Variants in GLIS3 observed in about 807,000 individuals in gnomAD.
GLIS3 encodes GLIS family zinc finger 3, also known as zinc finger protein GLIS3.
In GLIS3, 53 loss-of-function variants were observed where a neutral mutation model predicts 78.6. The ratio of observed to expected loss-of-function variants is 0.67; its 90% CI spans 0.54 to 0.85. The LOEUF (loss-of-function observed/expected upper bound fraction) is 0.85. Ranked by LOEUF, GLIS3 falls within the 40% of genes least tolerant of loss-of-function variation. GLIS3 has a pLI of 0.00. For missense variants in GLIS3, 1,703 were observed against 1,231.1 expected (o/e 1.38, Z -5.74); for synonymous variants, 684 against 509.9 (o/e 1.34, Z -4.60).
At chr9:4,287,198 C>T (rs1472494599) in intron 1 of GLIS3, among the ~76,000 whole-genome samples, 1 of 152,120 alleles carries the variant, frequency 6.6e-6, no homozygotes, top group Non-Finnish European at 1.5e-5. Flanking sequence ...TGCAACCTTC[C>T]ACTAAAATCC....
chr9:3,978,582 A>T (rs554049943), intron 4 of GLIS3, among the ~76,000 whole-genome samples: 7 of 152,036 alleles, frequency 4.6e-5, no homozygotes, highest in Non-Finnish European at 1.0e-4. Flanking sequence ...CTTGCTGGAC[A>T]TTCAGATAAT....
chr9:4,216,055 T>C (rs554917176), intron 2 of GLIS3, among the ~76,000 whole-genome samples: 1 of 152,096 alleles, frequency 6.6e-6, no homozygotes, highest in African/African-American at 2.4e-5. Context: ...TAGGTCCACA[T>C]AAATTGACTA....
In GLIS3 at chr9:3,828,425, G is replaced by C. The variant is rs746005781; in HGVS notation, c.2657-17C>G. 3.1e-6 allele frequency: 5 copies of C among 1,612,048 alleles called. No homozygotes were observed. The highest frequency in any genetic ancestry group is 3.4e-6 in the Non-Finnish European group (4 of 1,179,952). ...AATCATACACTGGAAGAGAAAGAAC[G>C]CAGTTAAGTCAGTAACTCCTGCCCC... On this transcript the variant is annotated splice_polypyrimidine_tract_variant and intron_variant, in intron 10 of 10. Coordinates refer to ENST00000381971, the MANE Select transcript of GLIS3 (RefSeq NM_001042413.2).
At chr9:3,920,695 G>T (rs1343797041) in intron 6 of GLIS3, among the ~76,000 whole-genome samples, 1 of 148,896 alleles carries the variant, frequency 6.7e-6, no homozygotes, top group Admixed American at 6.7e-5. Context: ...AATGAAATCC[G>T]ATTTCTATAT....
chr9:3,864,037 G>A (rs1450220791), intron 8 of GLIS3, among the ~76,000 whole-genome samples: 1 of 152,150 alleles, frequency 6.6e-6, no homozygotes, highest in Non-Finnish European at 1.5e-5. Context: ...GACATGGGGA[G>A]AGAGGGAAGA....
intron 2 of GLIS3, among the ~76,000 whole-genome samples, chr9:4,144,180 G>C (rs991094884): frequency 1.4e-4 from 22 of 152,204 alleles, no homozygotes; most frequent in African/African-American, 5.3e-4. Flanking sequence ...ACACCACAGC[G>C]CAAGGAATGC....
At chr9:4,205,356 C>A (rs1819780780) in intron 2 of GLIS3, among the ~76,000 whole-genome samples, 1 of 152,206 alleles carries the variant, frequency 6.6e-6, no homozygotes, top group South Asian at 2.1e-4. Flanking sequence ...TGGCTTCAGT[C>A]AATCCTCATA....
intron 2 of GLIS3, among the ~76,000 whole-genome samples, chr9:4,234,497 G>T (rs1014656381): frequency 6.6e-6 from 1 of 152,124 alleles, no homozygotes; most frequent in Non-Finnish European, 1.5e-5. Context: ...AGTCTTATAT[G>T]GGCCAGTTCA....
At chr9:4,088,177 A>C (rs1329529610) in intron 4 of GLIS3, among the ~76,000 whole-genome samples, 1 of 152,230 alleles carries the variant, frequency 6.6e-6, no homozygotes, top group Non-Finnish European at 1.5e-5. Context: ...GGAGATGAAA[A>C]AAGAGAGATT....
At position 4,118,191 on chromosome 9, in the gene GLIS3, C is replaced by G. The variant is rs765583144; in HGVS notation, c.1287G>C (p.Lys429Asn). 1.7e-5 allele frequency: 27 copies of G among 1,584,858 alleles called. No individual in the cohort carries two copies. The highest frequency in any genetic ancestry group is 4.3e-6 in the Non-Finnish European group (5 of 1,165,470). ...CCGGGAACTCCTCCAGGCGTTCGGT[C>G]TTGAACAGGCCGGCCGACTGGCTGT... ...GPDSQSAGLF[K>N]TERLEEFPGS... Residue 429 changes from lysine (K) to asparagine (N), a missense_variant, in exon 4 of 11, where the codon AAG becomes AAC. By Grantham distance (94) the Lys-to-Asn change is moderately conservative (BLOSUM62 0). Transcript: ENST00000381971. The surrounding 1 kb of genome is among the most constrained non-coding windows in gnomAD (Gnocchi z 4.7).
intron 6 of GLIS3, 100 bp from the exon 7 acceptor site, chr9:3,898,935 A>G: frequency 2.0e-6 from 3 of 1,497,748 alleles, no homozygotes; most frequent in Non-Finnish European, 2.8e-6. Flanking sequence ...TCAGCCCACA[A>G]AAATTTATCA....
Position 3,828,089 on chromosome 9 carries a change from C to T in GLIS3, c.*183G>A, listed in dbSNP as rs1357802702. 2 of 668,864 alleles carry T rather than the reference C, an allele frequency of 3.0e-6. No individual in the cohort carries two copies. Among genetic ancestry groups the T allele is most frequent in the East Asian group, 2.7e-5 (1 of 36,604 alleles). 41.4% of individuals were successfully genotyped at this position (668,864 alleles called of 1,614,324 possible). On this transcript the variant is annotated 3_prime_UTR_variant, in exon 11 of 11. Coordinates refer to ENST00000381971, the MANE Select transcript of GLIS3 (RefSeq NM_001042413.2). ...GAAAACCAGAGAGAAAAAGGAGCAA[C>T]TGTAATGATTCCTGCAAAGCTAGCT...
At chr9:3,942,032 G>A (rs758771722) in intron 4 of GLIS3, among the ~76,000 whole-genome samples, 1 of 152,070 alleles carries the variant, frequency 6.6e-6, no homozygotes, top group Non-Finnish European at 1.5e-5. Context: ...CATTAAAATA[G>A]GATTTATTCT....
chr9:3,973,147 G>C (rs1818512734), intron 4 of GLIS3, among the ~76,000 whole-genome samples: 1 of 152,170 alleles, frequency 6.6e-6, no homozygotes, highest in Non-Finnish European at 1.5e-5. Context: ...CATAGGGCAA[G>C]TCTGCTAGGG....
chr9:4,194,214 C>A lies in GLIS3; in HGVS notation c.389-68273G>T, dbSNP rs535696345. On this transcript the variant is annotated intron_variant, in intron 2 of 10. Coordinates refer to ENST00000381971, the MANE Select transcript of GLIS3 (RefSeq NM_001042413.2). ...CTGGGATTACAGGCCCACGCTGCCACGCCCAGCTAATTTCTTTTGTATTTT... is the reference window on the plus strand; with the variant it reads ...CTGGGATTACAGGCCCACGCTGCCAAGCCCAGCTAATTTCTTTTGTATTTT... 5.3e-5 allele frequency among the ~76,000 whole-genome samples: 8 copies of A among 152,112 alleles called. No homozygotes were observed. In the East Asian group the frequency reaches 9.7e-4, roughly 18 times the overall value.
At position 4,118,978 on chromosome 9, in the gene GLIS3, C is replaced by G. The variant is rs1013855252; in HGVS notation, c.597-97G>C. 4.7e-6 allele frequency: 6 copies of G among 1,269,482 alleles called. No individual in the cohort carries two copies. The African/African-American group carries it at 8.9e-5, about 19-fold the overall frequency. The allele number at this position is 1,269,482 out of a possible 1,614,324, so 78.6% of individuals were successfully genotyped here. On this transcript the variant is annotated intron_variant, in intron 3 of 10. Transcript: ENST00000381971. The surrounding 1 kb of genome is among the most constrained non-coding windows in gnomAD (Gnocchi z 4.7). ...TAAAAGAACACTGCATTGACAATCCCTTAAGTATTTCCCCTAATTACATTC... is the reference window on the plus strand; with the variant it reads ...TAAAAGAACACTGCATTGACAATCCGTTAAGTATTTCCCCTAATTACATTC...
chr9:4,486,761 C>T, the GLIS3 span, among the ~76,000 whole-genome samples: 1 of 152,186 alleles, frequency 6.6e-6, no homozygotes, highest in African/African-American at 2.4e-5. Context: ...GCAATCATAG[C>T]TCCCTGCAAC....
intron 4 of GLIS3, among the ~76,000 whole-genome samples, chr9:4,045,861 T>C (rs1825207948): frequency 1.3e-5 from 2 of 152,112 alleles, no homozygotes; most frequent in South Asian, 4.1e-4. Context: ...GTGCCAAAAG[T>C]TGGAGGACTG....
chr9:4,460,152 A>G, the GLIS3 span, among the ~76,000 whole-genome samples: 1 of 152,128 alleles, frequency 6.6e-6, no homozygotes, highest in Non-Finnish European at 1.5e-5. Context: ...GTGGTGGACC[A>G]GTCAACAGTG....
Sources: gnomAD v4.1 joint callset for allele counts (sites outside exome capture counted in the v4.1 genomes callset) on GRCh38, gnomAD v4.1.1 for gene constraint, Gnocchi (gnomAD v3.1) non-coding constraint, MANE v1.5 for transcripts, NCBI Gene and HGNC (gene_info 2026-07-23, HGNC 2026-07-21) for gene names.